The following OSBPL10 variants were observed in gnomAD, a reference collection of about 807,000 sequenced individuals.
OSBPL10 encodes the protein oxysterol binding protein like 10.
In OSBPL10, 49 loss-of-function variants were observed where a neutral mutation model predicts 81.7. That is an observed-to-expected ratio of 0.60 (90% CI 0.48 to 0.76). OSBPL10 has a LOEUF of 0.76. Among genes scored for constraint, OSBPL10 ranks in the 30% least tolerant of loss-of-function variants. The pLI is 0.00. For synonymous variants in OSBPL10, 419 were observed against 383.6 expected (o/e 1.09, Z -1.08); for missense variants, 923 against 987.8 (o/e 0.93, Z 0.88).
chr3:31,811,126 T>C (rs2125476458), intron 4 of OSBPL10, among the ~76,000 whole-genome samples: 2 of 142,674 alleles, frequency 1.4e-5, no homozygotes, highest in Middle Eastern at 7.0e-3. Flanking sequence ...ATTCCGCTAC[T>C]CCCCAGAAAG....
intron 2 of OSBPL10, among the ~76,000 whole-genome samples, chr3:31,987,281 C>T (rs937686745): frequency 2.0e-5 from 3 of 152,140 alleles, no homozygotes; most frequent in East Asian, 1.9e-4. Context: ...AGACAATTTC[C>T]TTTAGAGCTA....
chr3:31,876,389 G>T, intron 3 of OSBPL10, 44 bp downstream of exon 3: 2 of 1,503,698 alleles, frequency 1.3e-6, no homozygotes, highest in South Asian at 1.1e-5. Flanking sequence ...CTGAAAGCCA[G>T]GCTGGTTATT....
At chr3:32,043,755 C>T (rs530390140) in intron 2 of OSBPL10, among the ~76,000 whole-genome samples, 93 of 152,276 alleles carry the variant, frequency 6.1e-4, no homozygotes, top group African/African-American at 2.2e-3. Context: ...AAATCATGTT[C>T]TTTGCAGCAG....
At chr3:31,683,371 G>A (rs912360981) in intron 8 of OSBPL10, among the ~76,000 whole-genome samples, 16 of 152,310 alleles carry the variant, frequency 1.1e-4, no homozygotes, top group South Asian at 6.2e-4. Context: ...ACGCACGCGC[G>A]TGCACAGCAT....
chr3:31,911,313 C>A (rs142008963), intron 1 of OSBPL10, among the ~76,000 whole-genome samples: 7 of 152,100 alleles, frequency 4.6e-5, no homozygotes, highest in African/African-American at 1.7e-4. Context: ...TGTGTCCCAA[C>A]GAAACTTTAT....
At chr3:31,702,179 A>G (rs1316864902) in intron 7 of OSBPL10, among the ~76,000 whole-genome samples, 180 bp downstream of exon 7, 1 of 152,202 alleles carries the variant, frequency 6.6e-6, no homozygotes, top group Admixed American at 6.5e-5. Flanking sequence ...ATAACCATTT[A>G]TGTACAAATG....
At chr3:31,862,175 A>C (rs1013401888) in intron 3 of OSBPL10, among the ~76,000 whole-genome samples, 1 of 152,010 alleles carries the variant, frequency 6.6e-6, no homozygotes, top group African/African-American at 2.4e-5. Flanking sequence ...ACCCACAAAA[A>C]AATTTTTTTT....
chr3:31,916,143 ATAAT>A (rs937634746), intron 1 of OSBPL10, among the ~76,000 whole-genome samples: 16 of 152,010 alleles, frequency 1.1e-4, no homozygotes, highest in Non-Finnish European at 1.5e-4. Context: ...CAGGAGGGAA[ATAAT>A]TAATGTACAA....
chr3:31,775,070 G>C (rs1698514145), intron 4 of OSBPL10, among the ~76,000 whole-genome samples: 1 of 151,978 alleles, frequency 6.6e-6, no homozygotes, highest in Non-Finnish European at 1.5e-5. Flanking sequence ...AGTGGGGGTG[G>C]CTGAGGCAGG....
At chr3:31,924,989 A>C (rs1310214390) in intron 1 of OSBPL10, among the ~76,000 whole-genome samples, 1 of 152,206 alleles carries the variant, frequency 6.6e-6, no homozygotes, top group Non-Finnish European at 1.5e-5. Context: ...TCAAGAACAA[A>C]GTGAAAATGA....
intron 1 of OSBPL10, among the ~76,000 whole-genome samples, chr3:31,956,634 A>G (rs762256505): frequency 1.3e-5 from 2 of 152,148 alleles, no homozygotes; most frequent in Non-Finnish European, 2.9e-5. Flanking sequence ...AGACTGAGGC[A>G]GGAGAATCAC....
At chr3:32,000,673 C>T (rs1699136889) in intron 2 of OSBPL10, among the ~76,000 whole-genome samples, 1 of 152,172 alleles carries the variant, frequency 6.6e-6, no homozygotes, top group African/African-American at 2.4e-5. Flanking sequence ...TTGTTGACTC[C>T]TGCACTGCAA....
intron 3 of OSBPL10, among the ~76,000 whole-genome samples, chr3:31,859,934 G>C (rs1308008342): frequency 6.6e-6 from 1 of 152,158 alleles, no homozygotes; most frequent in Non-Finnish European, 1.5e-5. Flanking sequence ...GCCTAAGAGT[G>C]AGTGAAATTT....
chr3:31,865,387 G>T (rs530347189), intron 3 of OSBPL10, among the ~76,000 whole-genome samples: 1 of 152,144 alleles, frequency 6.6e-6, no homozygotes, highest in African/African-American at 2.4e-5. Flanking sequence ...GTGGCTAGAG[G>T]TCTCCATATT....
At chr3:31,892,543 T>C (rs1311484357) in intron 1 of OSBPL10, among the ~76,000 whole-genome samples, 1 of 152,150 alleles carries the variant, frequency 6.6e-6, no homozygotes, top group African/African-American at 2.4e-5. Context: ...AAGTCAACTA[T>C]AAAACTGGAC....
At chr3:32,050,240 A>T (rs966612653) in intron 1 of OSBPL10, among the ~76,000 whole-genome samples, 11 of 152,356 alleles carry the variant, frequency 7.2e-5, no homozygotes, top group African/African-American at 2.6e-4. Context: ...CTCAAAATTG[A>T]CTGCTCTAGG....
rs1458753517 is a variant in OSBPL10 at position 32,064,529 on chromosome 3, C to T, written n.185+12867G>A. On this transcript the variant is annotated intron_variant and non_coding_transcript_variant, in intron 1 of 3. Coordinates refer to the OSBPL10 transcript ENST00000479173. The stretch of plus-strand genomic sequence containing the variant: ...AGCTAGGGACATGCTTCCAAATTGC[C>T]TTGGTGAATGCTTGGAAAAACAAAA... 9.8e-5 allele frequency: 9 copies of T among 91,650 alleles called. 2 individuals are homozygous for T. Among genetic ancestry groups the T allele is most frequent in the African/African-American group, 2.6e-4 (9 of 35,236 alleles). 5.7% of individuals were successfully genotyped at this position (91,650 alleles called of 1,614,324 possible).
intron 1 of OSBPL10, among the ~76,000 whole-genome samples, chr3:32,066,192 G>T (rs189690751): frequency 1.3e-5 from 1 of 75,106 alleles, no homozygotes; most frequent in African/African-American, 3.6e-5. Context: ...AAGGAAGGAA[G>T]GAAGGAAGGA....
chr3:31,673,185 A>T (rs528269323), intron 8 of OSBPL10, among the ~76,000 whole-genome samples: 121 of 152,274 alleles, frequency 7.9e-4, no homozygotes, highest in Non-Finnish European at 1.0e-3. Context: ...CAGTAAAGGG[A>T]GGAATGTTGT....
Sources: gnomAD v4.1 joint callset for allele counts (sites outside exome capture counted in the v4.1 genomes callset) on GRCh38, gnomAD v4.1.1 for gene constraint, MANE v1.5 for transcripts, NCBI Gene and HGNC (gene_info 2026-07-23, HGNC 2026-07-21) for gene names.